The following NRXN3 variants were observed in gnomAD, a reference collection of about 807,000 sequenced individuals.
NRXN3 encodes the protein neurexin 3, also known as neurexin III.
A neutral mutation model predicts 137.6 loss-of-function variants in NRXN3; 32 were observed. The observed-to-expected ratio is 0.23, with a 90% CI of 0.18 to 0.31. The LOEUF (loss-of-function observed/expected upper bound fraction) is 0.31, where lower values mean the gene tolerates loss of function less well. NRXN3 is among the 10% of genes least tolerant of loss of function. The pLI is 1.00. For missense variants in NRXN3, 1,574 were observed against 2,062.5 expected (o/e 0.76, Z 4.59); for synonymous variants, 798 against 784.5 (o/e 1.02, Z -0.29).
intron 8 of NRXN3, among the ~76,000 whole-genome samples, chr14:78,778,343 G>A (rs2098751548): frequency 6.6e-6 from 1 of 152,190 alleles, no homozygotes; most frequent in South Asian, 2.1e-4. Context: ...CCCATAGGGT[G>A]ATAACAATAG....
chr14:79,753,213 T>C (rs765595584), intron 19 of NRXN3, among the ~76,000 whole-genome samples: 5 of 151,952 alleles, frequency 3.3e-5, no homozygotes, highest in Non-Finnish European at 5.9e-5. Flanking sequence ...AGCCATCCCA[T>C]TACTGGGTAT....
chr14:78,348,691 T>A (rs61199699), intron 4 of NRXN3, among the ~76,000 whole-genome samples: 4,069 of 152,258 alleles, frequency 0.027, 152 homozygotes, highest in African/African-American at 0.088. Context: ...CTACTGGAAA[T>A]GCAGAATCTC....
intron 16 of NRXN3, among the ~76,000 whole-genome samples, chr14:79,479,012 A>C (rs1177465393): frequency 6.6e-6 from 1 of 152,136 alleles, no homozygotes; most frequent in Non-Finnish European, 1.5e-5. Flanking sequence ...GCAGTTTCCT[A>C]AATAGAACAA....
intron 11 of NRXN3, 129 bp downstream of exon 11, chr14:78,957,490 C>G: frequency 9.4e-7 from 1 of 1,065,638 alleles, no homozygotes; most frequent in Non-Finnish European, 1.3e-6. Context: ...TTTCTGTTGA[C>G]AAACTCAGGC....
chr14:79,410,561 A>G (rs1049453362), intron 15 of NRXN3, among the ~76,000 whole-genome samples: 1 of 152,064 alleles, frequency 6.6e-6, no homozygotes. Context: ...TAATAATTAA[A>G]GTTATAAGCT....
chr14:78,610,552 C>A (rs188562631), intron 4 of NRXN3, among the ~76,000 whole-genome samples: 14 of 152,332 alleles, frequency 9.2e-5, no homozygotes, highest in Non-Finnish European at 7.4e-5. Context: ...TGGGGAAACA[C>A]TCACTGGTTT....
intron 4 of NRXN3, among the ~76,000 whole-genome samples, chr14:78,614,495 T>C (rs1367505254): frequency 6.6e-6 from 1 of 151,790 alleles, no homozygotes; most frequent in African/African-American, 2.4e-5. Context: ...AAGCAAATTA[T>C]GCCCAACATA....
At chr14:79,297,931 C>G (rs367990943) in intron 15 of NRXN3, among the ~76,000 whole-genome samples, 33 of 151,942 alleles carry the variant, frequency 2.2e-4, no homozygotes, top group Non-Finnish European at 4.3e-4. Flanking sequence ...CCATTATGCC[C>G]CTTGGTAGGA....
intron 8 of NRXN3, among the ~76,000 whole-genome samples, chr14:78,738,913 C>T (rs144442056): frequency 8.2e-4 from 125 of 152,072 alleles, no homozygotes; most frequent in Non-Finnish European, 1.4e-3. Context: ...TCGTGTGGGC[C>T]CACAGAAAAA....
intron 4 of NRXN3, among the ~76,000 whole-genome samples, chr14:78,524,054 G>A (rs543101654): frequency 4.6e-5 from 7 of 152,228 alleles, no homozygotes; most frequent in Admixed American, 3.9e-4. Context: ...ATAGATTTTG[G>A]CATTTTGTTA....
rs74064328 is a variant in NRXN3 at position 78,623,052 on chromosome 14, G to A, written c.758-22068G>A. Among the ~76,000 whole-genome samples the A allele has an allele frequency of 2.4e-3, 368 of 152,190 alleles. 2 individuals carry two copies. Among genetic ancestry groups the A allele is most frequent in the African/African-American group, 8.4e-3 (347 of 41,494 alleles). On this transcript the variant is annotated intron_variant, in intron 4 of 20. Transcript: ENST00000335750. ...AAATTATTATTTTTCTCTAATTTGC[G>A]GATGGCTAAACTGAAGCTTAAAGAG...
intron 1 of NRXN3, among the ~76,000 whole-genome samples, chr14:78,183,833 G>A (rs1057259557): frequency 1.3e-5 from 2 of 152,186 alleles, no homozygotes; most frequent in African/African-American, 4.8e-5. Context: ...GAAAGCAATA[G>A]CTTGACTCTA....
chr14:78,967,184 G>GTTTTTTTTTTTTTTTTTTT, intron 12 of NRXN3, 24 bp from the exon 13 acceptor site: 1 of 1,421,226 alleles, frequency 7.0e-7, no homozygotes, highest in Non-Finnish European at 9.6e-7. Context: ...TCCAATTATT[G>GTTTTTTTTTTTTTTTTTTT]TTTTTTTTTT....
chr14:79,410,466 GTT>G (rs980734228), intron 15 of NRXN3, among the ~76,000 whole-genome samples: 1 of 142,802 alleles, frequency 7.0e-6, no homozygotes, highest in Admixed American at 7.1e-5. Flanking sequence ...TTCCCAGAAG[GTT>G]TTTTTTTTTT....
rs967459633 is a variant in NRXN3 at position 78,201,719 on chromosome 14, C to T, written c.-704+31045C>T. ...ACACGAAGGAGCTGCTGACAAGTCT[C>T]GGGCTGGAGACAGAAGGTGGAGAAG... is the stretch of plus-strand genomic sequence containing the variant. On this transcript the variant is annotated intron_variant, in intron 1 of 20. Coordinates refer to ENST00000335750, the MANE Select transcript of NRXN3 (RefSeq NM_001330195.2). 5.3e-5 allele frequency among the ~76,000 whole-genome samples: 8 copies of T among 152,154 alleles called. No individual in the cohort carries two copies. The East Asian group carries it at 9.6e-4, about 18-fold the overall frequency.
chr14:79,811,975 A>G lies in NRXN3; in HGVS notation c.4093+6785A>G, dbSNP rs544739989. ...TGTGCTTTTAAAATCCTTAATGGTG[A>G]AATGCTTTGAAAATTAGGGTAAGAA... On this transcript the variant is annotated intron_variant, in intron 20 of 20. Coordinates refer to ENST00000335750, the MANE Select transcript of NRXN3 (RefSeq NM_001330195.2). Among the ~76,000 whole-genome samples, 24 of 152,246 alleles carry G rather than the reference A, an allele frequency of 1.6e-4. No individual in the cohort carries two copies. The East Asian group carries it at 3.7e-3, about 23-fold the overall frequency.
At chr14:78,219,416 A>C (rs2153422662) in intron 1 of NRXN3, among the ~76,000 whole-genome samples, 1 of 152,306 alleles carries the variant, frequency 6.6e-6, no homozygotes, top group Non-Finnish European at 1.5e-5. Context: ...TCAGATAAAC[A>C]CAGAAGACCA....
intron 19 of NRXN3, among the ~76,000 whole-genome samples, chr14:79,801,560 A>ACACACACACACACACT (rs2099181133): frequency 6.6e-6 from 1 of 152,252 alleles, no homozygotes; most frequent in African/African-American, 2.4e-5. Flanking sequence ...GCACACACAC[A>ACACACACACACACACT]CATCCCAGGT....
intron 4 of NRXN3, among the ~76,000 whole-genome samples, chr14:78,520,092 T>C (rs760374829): frequency 6.6e-6 from 1 of 152,202 alleles, no homozygotes; most frequent in Non-Finnish European, 1.5e-5. Flanking sequence ...CCTATCTATC[T>C]GGATTATTGG....
Sources: gnomAD v4.1 joint callset for allele counts (sites outside exome capture counted in the v4.1 genomes callset) on GRCh38, gnomAD v4.1.1 for gene constraint, MANE v1.5 for transcripts, NCBI Gene and HGNC (gene_info 2026-07-23, HGNC 2026-07-21) for gene names.